Variants in KIR2DL3 observed in about 807,000 individuals in gnomAD.
KIR2DL3 encodes the protein killer cell immunoglobulin-like receptor 2DL3.
Under a neutral mutation model 33.8 loss-of-function variants are expected in KIR2DL3, and 39 were observed. That is an observed-to-expected ratio of 1.15 (90% CI 0.89 to 1.51). The LOEUF (loss-of-function observed/expected upper bound fraction) is 1.51, where lower values mean the gene tolerates loss of function less well. KIR2DL3 is among the 40% of genes most tolerant of loss of function. The pLI is 0.00. For missense variants in KIR2DL3, 462 were observed against 426.2 expected (o/e 1.08, Z -0.74); for synonymous variants, 174 against 160.2 (o/e 1.09, Z -0.65).
At chr19:54,745,448 C>T (rs1555908516) in intron 4 of KIR2DL3, among the ~76,000 whole-genome samples, 45,683 of 150,368 alleles carry the variant, frequency 0.3, 7,163 homozygotes, top group South Asian at 0.39. Context: ...TTGCAACCTC[C>T]GCCTCCTGGG....
intron 3 of KIR2DL3, among the ~76,000 whole-genome samples, chr19:54,743,576 A>C (rs1208519836): frequency 6.6e-6 from 1 of 152,198 alleles, no homozygotes; most frequent in Non-Finnish European, 1.5e-5. Context: ...GAATCCAAAA[A>C]GGGAAAACAT....
chr19:54,746,204 T>C (rs563974382), intron 4 of KIR2DL3, among the ~76,000 whole-genome samples: 2 of 134,456 alleles, frequency 1.5e-5, no homozygotes, highest in African/African-American at 2.8e-5. Context: ...CTTTTTAGTA[T>C]GTGGGGAAAT....
intron 5 of KIR2DL3, 30 bp downstream of exon 5, chr19:54,747,415 T>C (rs752133794): frequency 6.2e-7 from 1 of 1,607,118 alleles, no homozygotes; most frequent in Admixed American, 1.7e-5. Context: ...ATATCCGCTT[T>C]TGGAAACCTG....
At chr19:54,738,629 G>A in intron 1 of KIR2DL3, 50 bp downstream of exon 1, 3 of 1,613,464 alleles carry the variant, frequency 1.9e-6, no homozygotes, top group Non-Finnish European at 2.5e-6. Flanking sequence ...TGGAGATCGG[G>A]GCCCAGAGTT....
rs2071758746 is a variant in KIR2DL3 at position 54,744,061 on chromosome 19, A to G, written c.637A>G (p.Ser213Gly). The G allele has an allele frequency of 2.5e-6, 4 of 1,614,104 alleles. No homozygotes were observed. In the African/African-American group the frequency reaches 5.3e-5, roughly 22 times the overall value. ...CTCTCCATACGAGTGGTCAAACTCGAGTGACCCACTGCTTGTTTCTGTCAC... is the reference window on the plus strand; with the variant it reads ...CTCTCCATACGAGTGGTCAAACTCGGGTGACCCACTGCTTGTTTCTGTCAC... The part of the protein sequence containing the change: ...RDSPYEWSNS[S>G]DPLLVSVTGN... Residue 213 changes from serine (S) to glycine (G), a missense_variant, in exon 4 of 8, where the codon AGT (serine) becomes GGT (glycine). Transcript: ENST00000342376.
intron 5 of KIR2DL3, among the ~76,000 whole-genome samples, chr19:54,748,030 C>T (rs1383843112): frequency 6.6e-6 from 1 of 151,938 alleles, no homozygotes; most frequent in Non-Finnish European, 1.5e-5. Flanking sequence ...TCTTACTGGG[C>T]TAAAATCAAG....
In KIR2DL3 at chr19:54,738,571, T is replaced by C. The variant is rs3810343; in HGVS notation, c.26T>C (p.Val9Ala). The C allele has an allele frequency of 0.34, 550,202 of 1,605,882 alleles. 97,385 individuals carry two copies. Among genetic ancestry groups the C allele is most frequent in the Middle Eastern group, 0.47 (2,819 of 6,048 alleles). Residue 9 changes from valine (V) to alanine (A), a missense_variant, in exon 1 of 8, where the codon GTG becomes GCG. Physicochemically the swap from Val to Ala is moderately conservative, Grantham distance 64. Coordinates refer to ENST00000342376, the MANE Select transcript of KIR2DL3 (RefSeq NM_015868.3). MSLMVVSM[V>A]CVGFFLLQGA... ...ATGTCGCTCATGGTCGTCAGCATGG[T>C]GTGTGTTGGTGAGTCCTGGAAGGGC...
At chr19:54,739,275 G>T (rs2070503454) in intron 1 of KIR2DL3, among the ~76,000 whole-genome samples, 1 of 148,244 alleles carries the variant, frequency 6.7e-6, no homozygotes, top group African/African-American at 2.5e-5. Context: ...ATGGGCCTAG[G>T]GTGGAAATAT....
chr19:54,741,987 C>A lies in KIR2DL3; in HGVS notation c.78C>A (p.His26Gln). The change falls in exon 3 of 8, where the codon CAC becomes CAA. Residue 26 changes from histidine to glutamine, a missense_variant. Physicochemically the swap from His to Gln is conservative, Grantham distance 24 (BLOSUM62 0). Transcript: ENST00000342376. ...CACAACCTCTCTTCCTAGGAGTCCA[C>A]AGAAAACCTTCCCTCCTGGCCCACC... ...LQGAWPHEGV[H>Q]RKPSLLAHPG... The A allele has an allele frequency of 6.2e-7, 1 of 1,608,044 alleles. No individual in the cohort carries two copies. Among genetic ancestry groups the A allele is most frequent in the Non-Finnish European group, 8.5e-7 (1 of 1,176,364 alleles).
chr19:54,746,276 T>C (rs1416754549), intron 4 of KIR2DL3, among the ~76,000 whole-genome samples: 2 of 134,330 alleles, frequency 1.5e-5, no homozygotes, highest in Admixed American at 1.5e-4. Flanking sequence ...TTGAGCTTCT[T>C]ATATTTCTAG....
In KIR2DL3 at chr19:54,752,357, C is replaced by G; in HGVS notation, c.874-10C>G. On this transcript the variant is annotated splice_polypyrimidine_tract_variant and intron_variant, in intron 7 of 7. Transcript: ENST00000342376. ...GCACCCTCCCTCACTCAGCATTTCC[C>G]TCTCTCCAGGACTCTGATGAACAAG... 4.1e-6 allele frequency: 6 copies of G among 1,479,860 alleles called. 1 individual carries two copies. Among genetic ancestry groups the G allele is most frequent in the Non-Finnish European group, 5.5e-6 (6 of 1,084,956 alleles). 91.7% of individuals were successfully genotyped at this position (1,479,860 alleles called of 1,614,324 possible). A position where few individuals can be genotyped will look rare whatever the true frequency, so the allele number is the denominator to read the frequency against.
Position 54,751,752 on chromosome 19 carries a change from A to C in KIR2DL3, c.819A>C (p.Lys273Asn). 6.9e-7 allele frequency: 1 copy of C among 1,456,542 alleles called. No homozygotes were observed. The highest frequency in any genetic ancestry group is 9.3e-7 in the Non-Finnish European group (1 of 1,073,538). 90.2% of individuals were successfully genotyped at this position (1,456,542 alleles called of 1,614,324 possible). A position where few individuals can be genotyped will look rare whatever the true frequency, so the allele number is the denominator to read the frequency against. The change falls in exon 6 of 8, where the codon AAA (lysine) becomes AAC (asparagine). Residue 273 changes from lysine (K) to asparagine (N), a missense_variant and splice_region_variant. Physicochemically the swap from Lys to Asn is moderately conservative, Grantham distance 94. Transcript: ENST00000342376. ...FLLHRWCCNK[K>N]NAVVMDQEPA... Reference sequence around the variant, plus strand: ...TTCATCGCTGGTGCTGCAACAAAAAAAGTAAGTCTCACGAAGCAGAGGCCA... The same window carrying C: ...TTCATCGCTGGTGCTGCAACAAAAACAGTAAGTCTCACGAAGCAGAGGCCA...
chr19:54,752,129 G>T, intron 6 of KIR2DL3, 87 bp from the exon 7 acceptor site: 4 of 1,354,958 alleles, frequency 3.0e-6, no homozygotes, highest in South Asian at 1.4e-5. Flanking sequence ...GGCTCCTATG[G>T]TCTCCCCCTG....
intron 4 of KIR2DL3, among the ~76,000 whole-genome samples, chr19:54,744,877 TA>T (rs1386609565): frequency 7.0e-5 from 5 of 71,434 alleles, no homozygotes; most frequent in African/African-American, 2.1e-4. Context: ...CATTTATATA[TA>T]TATATATATA....
At chr19:54,750,956 C>G (rs2073329145) in intron 5 of KIR2DL3, among the ~76,000 whole-genome samples, 1 of 133,928 alleles carries the variant, frequency 7.5e-6, no homozygotes, top group Admixed American at 7.7e-5. Flanking sequence ...CCAGGAAGAA[C>G]AGGAAGACAG....
Position 54,750,228 on chromosome 19 carries a change from A to C in KIR2DL3, c.716-1421A>C, listed in dbSNP as rs1399595263. On this transcript the variant is annotated intron_variant, in intron 5 of 7. Transcript: ENST00000342376. ...TCACCTGTGGAGATTCAGATAGGCTATGGGGAGGTAAACATTGATACTCCT... is the reference window on the plus strand; with the variant it reads ...TCACCTGTGGAGATTCAGATAGGCTCTGGGGAGGTAAACATTGATACTCCT... Among the ~76,000 whole-genome samples the C allele has an allele frequency of 3.0e-5, 4 of 133,484 alleles. No individual in the cohort carries two copies. In the East Asian group the frequency reaches 7.9e-4, roughly 27 times the overall value. The allele number at this position is 133,484 out of a possible 152,430, so 87.6% of individuals were successfully genotyped here.
rs1272981073 is a variant in KIR2DL3 at position 54,750,994 on chromosome 19, G to C, written c.716-655G>C. ...CAGGCTGTTCTGAGACGTTCCTCCT[G>C]ATCTCAGGACGTTGCTGTCTTAGTC... On this transcript the variant is annotated intron_variant, in intron 5 of 7. Coordinates refer to ENST00000342376, the MANE Select transcript of KIR2DL3 (RefSeq NM_015868.3). Among the ~76,000 whole-genome samples, 2 of 133,804 alleles carry C rather than the reference G, an allele frequency of 1.5e-5. 1 individual carries two copies. The highest frequency in any genetic ancestry group is 3.3e-5 in the Non-Finnish European group (2 of 61,040). 87.8% of individuals were successfully genotyped at this position (133,804 alleles called of 152,430 possible). A position where few individuals can be genotyped will look rare whatever the true frequency, so the allele number is the denominator to read the frequency against.
chr19:54,746,987 A>G (rs1454134284), intron 4 of KIR2DL3, among the ~76,000 whole-genome samples: 2 of 141,868 alleles, frequency 1.4e-5, no homozygotes, highest in Admixed American at 1.5e-4. Context: ...ATCTCAAAAG[A>G]AAAAAGAAAA....
Position 54,752,671 on chromosome 19 carries a change from C to T in KIR2DL3, c.*152C>T. On this transcript the variant is annotated 3_prime_UTR_variant, in exon 8 of 8. Transcript: ENST00000342376. The stretch of plus-strand genomic sequence containing the variant: ...TGAGTCTGCATCTTAGGGCATCGCT[C>T]TTCCTCACACCACAAATCTGAACGT... 9.1e-7 allele frequency: 1 copy of T among 1,095,226 alleles called. No individual in the cohort carries two copies. Among genetic ancestry groups the T allele is most frequent in the Non-Finnish European group, 1.3e-6 (1 of 751,450 alleles). 67.8% of individuals were successfully genotyped at this position (1,095,226 alleles called of 1,614,324 possible). A position where few individuals can be genotyped will look rare whatever the true frequency, so the allele number is the denominator to read the frequency against.
Sources: gnomAD v4.1 joint callset for allele counts (sites outside exome capture counted in the v4.1 genomes callset) on GRCh38, gnomAD v4.1.1 for gene constraint, MANE v1.5 for transcripts, NCBI Gene and HGNC (gene_info 2026-07-23, HGNC 2026-07-21) for gene names.